The following ANKS1B variants were observed in gnomAD, a reference collection of about 807,000 sequenced individuals.
The protein encoded by ANKS1B is ankyrin repeat and sterile alpha motif domain-containing protein 1B.
Under a neutral mutation model 148.3 loss-of-function variants are expected in ANKS1B, and 36 were observed. The observed-to-expected ratio is 0.24, with a 90% confidence interval of 0.19 to 0.32. ANKS1B has a LOEUF of 0.32. Among genes scored for constraint, ANKS1B ranks in the 10% least tolerant of loss-of-function variants. ANKS1B has a pLI of 1.00. For missense variants in ANKS1B, 1,157 were observed against 1,542.6 expected (o/e 0.75, Z 4.19); for synonymous variants, 542 against 560.8 (o/e 0.97, Z 0.47).
chr12:99,782,318 A>T (rs7969268), intron 4 of ANKS1B, among the ~76,000 whole-genome samples: 3 of 152,012 alleles, frequency 2.0e-5, no homozygotes, highest in Non-Finnish European at 4.4e-5. Context: ...TTTGGGCCAG[A>T]TGCAGCTGAG....
At chr12:99,319,811 T>C (rs182696165) in intron 12 of ANKS1B, among the ~76,000 whole-genome samples, 112 of 152,296 alleles carry the variant, frequency 7.4e-4, no homozygotes, top group Non-Finnish European at 1.5e-3. Flanking sequence ...ATTTGGCACA[T>C]TTTTGCAGTG....
intron 1 of ANKS1B, among the ~76,000 whole-genome samples, chr12:99,849,346 C>T (rs1402183838): frequency 6.6e-6 from 1 of 152,066 alleles, no homozygotes; most frequent in Non-Finnish European, 1.5e-5. Flanking sequence ...ATTACTATCA[C>T]AGTGAGACAC....
intron 11 of ANKS1B, among the ~76,000 whole-genome samples, chr12:99,407,968 T>A (rs1041147867): frequency 6.9e-6 from 1 of 145,968 alleles, no homozygotes; most frequent in African/African-American, 2.6e-5. Flanking sequence ...AAAATACTAA[T>A]GATATTCTTC....
At chr12:99,490,060 T>A (rs142877419) in intron 10 of ANKS1B, among the ~76,000 whole-genome samples, 1 of 152,200 alleles carries the variant, frequency 6.6e-6, no homozygotes, top group East Asian at 1.9e-4. Flanking sequence ...CTTTAAGCTA[T>A]TATTTTGCCA....
chr12:98,841,615 G>C (rs1284684422), intron 17 of ANKS1B, among the ~76,000 whole-genome samples: 1 of 152,136 alleles, frequency 6.6e-6, no homozygotes, highest in Non-Finnish European at 1.5e-5. Flanking sequence ...ACTTAGCCTA[G>C]CCAGCTACTA....
intron 17 of ANKS1B, among the ~76,000 whole-genome samples, chr12:98,937,470 T>A (rs1213501833): frequency 6.6e-6 from 1 of 152,144 alleles, no homozygotes; most frequent in Non-Finnish European, 1.5e-5. Context: ...CATACTAGTA[T>A]GTTTTGTAGC....
chr12:99,362,049 A>G (rs528761752), intron 12 of ANKS1B, among the ~76,000 whole-genome samples: 1 of 152,172 alleles, frequency 6.6e-6, no homozygotes, highest in East Asian at 1.9e-4. Flanking sequence ...ATAATTATGA[A>G]GAAAATCCTA....
chr12:98,958,890 T>A (rs1219917432), intron 17 of ANKS1B, among the ~76,000 whole-genome samples: 1 of 152,222 alleles, frequency 6.6e-6, no homozygotes, highest in Non-Finnish European at 1.5e-5. Flanking sequence ...ATTTCATAAA[T>A]TAAAATTGTA....
At chr12:99,862,443 CAAAT>C (rs1429307657) in intron 1 of ANKS1B, among the ~76,000 whole-genome samples, 2 of 152,266 alleles carry the variant, frequency 1.3e-5, no homozygotes, top group East Asian at 3.9e-4. Context: ...AGACTCAAGA[CAAAT>C]AAAGAATCCA....
At chr12:99,815,857 G>GTA (rs1052167516) in intron 2 of ANKS1B, among the ~76,000 whole-genome samples, 8 of 151,820 alleles carry the variant, frequency 5.3e-5, no homozygotes, top group South Asian at 4.1e-4. Flanking sequence ...ATTCCATGGT[G>GTA]TATATATATA....
intron 17 of ANKS1B, among the ~76,000 whole-genome samples, chr12:98,837,860 T>C (rs1268298525): frequency 1.3e-5 from 2 of 152,194 alleles, no homozygotes. Context: ...TTTTATCTGC[T>C]TTTAAAAAAG....
chr12:99,835,492 C>T (rs1264545800), intron 1 of ANKS1B, among the ~76,000 whole-genome samples: 1 of 151,872 alleles, frequency 6.6e-6, no homozygotes, highest in Non-Finnish European at 1.5e-5. Flanking sequence ...TTTCTAGTAG[C>T]CACATTAAAA....
intron 9 of ANKS1B, among the ~76,000 whole-genome samples, chr12:99,590,236 A>T (rs1019570294): frequency 1.4e-5 from 2 of 146,364 alleles, no homozygotes; most frequent in African/African-American, 5.2e-5. Flanking sequence ...CATTTAAAAC[A>T]TTCACTCACA....
intron 16 of ANKS1B, among the ~76,000 whole-genome samples, chr12:99,080,300 A>G (rs1006637860): frequency 1.3e-5 from 2 of 152,216 alleles, no homozygotes; most frequent in African/African-American, 4.8e-5. Flanking sequence ...CAAAGGGCTT[A>G]TGGAATTTCT....
intron 17 of ANKS1B, among the ~76,000 whole-genome samples, chr12:98,953,487 T>C (rs1055825227): frequency 2.0e-5 from 3 of 151,714 alleles, no homozygotes; most frequent in Admixed American, 6.6e-5. Flanking sequence ...CTTTGTCTTA[T>C]TGATACTTCC....
At chr12:99,131,745 T>A (rs1290264991) in intron 15 of ANKS1B, among the ~76,000 whole-genome samples, 2 of 152,160 alleles carry the variant, frequency 1.3e-5, no homozygotes, top group Non-Finnish European at 2.9e-5. Flanking sequence ...CTTAGCTACA[T>A]AAAGTTAACT....
rs959854056 is a variant in ANKS1B, at chr12:99,407,512, G to A, written c.1576-7701C>T. Among the ~76,000 whole-genome samples, 36 of 145,378 alleles carry A rather than the reference G, an allele frequency of 2.5e-4. 7 individuals carry two copies. Among genetic ancestry groups the A allele is most frequent in the African/African-American group, 9.1e-4 (35 of 38,266 alleles). On this transcript the variant is annotated intron_variant, in intron 11 of 26. Transcript: ENST00000683438. Reference sequence around the variant, plus strand: ...ATTCACCGTCATACTGGAAGTCCTGGCTAGTAATCAGACAAGAGAAAGAAA... The same window carrying A: ...ATTCACCGTCATACTGGAAGTCCTGACTAGTAATCAGACAAGAGAAAGAAA...
At chr12:99,623,789 T>C (rs1434241258) in intron 9 of ANKS1B, among the ~76,000 whole-genome samples, 1 of 152,118 alleles carries the variant, frequency 6.6e-6, no homozygotes, top group Non-Finnish European at 1.5e-5. Context: ...TCCACGCTCA[T>C]GGATTGGAAG....
intron 8 of ANKS1B, among the ~76,000 whole-genome samples, chr12:99,743,639 C>T (rs12366530): frequency 0.44 from 66,472 of 151,954 alleles, 14,955 homozygotes; most frequent in South Asian, 0.61. Context: ...CTTTATTCTG[C>T]GGTTTTCTAT....
Sources: gnomAD v4.1 joint callset for allele counts (sites outside exome capture counted in the v4.1 genomes callset) on GRCh38, gnomAD v4.1.1 for gene constraint, MANE v1.5 for transcripts, NCBI Gene and HGNC (gene_info 2026-07-23, HGNC 2026-07-21) for gene names.